Variants in HCN1 observed in about 807,000 individuals in gnomAD.
HCN1 encodes the protein potassium/sodium hyperpolarization-activated cyclic nucleotide-gated channel 1.
HCN1 carries 13 observed loss-of-function variants against 78.9 expected under a neutral mutation model. That is an observed-to-expected ratio of 0.16 (90% CI 0.11 to 0.26). The LOEUF is 0.26. HCN1 is among the 10% of genes least tolerant of loss of function. The pLI is 1.00. For missense variants in HCN1, 810 were observed against 1,154.3 expected (o/e 0.70, Z 4.32); for synonymous variants, 552 against 455.5 (o/e 1.21, Z -2.70).
chr5:45,479,590 A>G (rs566994206), intron 2 of HCN1, among the ~76,000 whole-genome samples: 1 of 152,320 alleles, frequency 6.6e-6, no homozygotes, highest in African/African-American at 2.4e-5. Context: ...GATGAACTGG[A>G]TGCAGAAGAC....
intron 2 of HCN1, among the ~76,000 whole-genome samples, chr5:45,581,714 G>T (rs963426255): frequency 2.0e-5 from 3 of 152,142 alleles, no homozygotes; most frequent in African/African-American, 7.2e-5. Flanking sequence ...GTAAGGAAGG[G>T]ATCCAGTTAC....
chr5:45,424,329 A>T (rs979891589), intron 3 of HCN1, among the ~76,000 whole-genome samples: 3 of 151,742 alleles, frequency 2.0e-5, no homozygotes, highest in Admixed American at 6.6e-5. Flanking sequence ...AACAAAAAAA[A>T]TAAAAACAAC....
intron 3 of HCN1, among the ~76,000 whole-genome samples, chr5:45,448,000 TA>T (rs1740834871): frequency 6.6e-6 from 1 of 151,808 alleles, no homozygotes; most frequent in African/African-American, 2.4e-5. Context: ...TTCACTGCTA[TA>T]TGTTTTTTAT....
chr5:45,611,194 G>A (rs1040478888), intron 2 of HCN1, among the ~76,000 whole-genome samples: 37 of 150,776 alleles, frequency 2.5e-4, no homozygotes, highest in African/African-American at 8.8e-4. Flanking sequence ...GGGACAACAG[G>A]GACGCATCAC....
chr5:45,369,788 T>C lies in HCN1; in HGVS notation c.1231-16542A>G, dbSNP rs146495231. ...ACTTGGTAAAGGAGTGTGAACATTA[T>C]TGACTTAATTGATTATTCCGGATCA... On this transcript the variant is annotated intron_variant, in intron 4 of 7. Transcript: ENST00000303230. 3.3e-3 allele frequency among the ~76,000 whole-genome samples: 500 copies of C among 152,230 alleles called. 2 individuals are homozygous for C. The highest frequency in any genetic ancestry group is 0.011 in the African/African-American group (474 of 41,564).
At chr5:45,398,370 G>C (rs552137051) in intron 3 of HCN1, among the ~76,000 whole-genome samples, 6 of 152,064 alleles carry the variant, frequency 3.9e-5, no homozygotes, top group Non-Finnish European at 7.4e-5. Context: ...TTCATAGTCA[G>C]GAAATTGACA....
At chr5:45,312,915 G>C (rs968553763) in intron 5 of HCN1, among the ~76,000 whole-genome samples, 2 of 152,198 alleles carry the variant, frequency 1.3e-5, no homozygotes, top group Admixed American at 1.3e-4. Context: ...AGGCCTGCCT[G>C]CCTCTGTAGA....
intron 2 of HCN1, among the ~76,000 whole-genome samples, chr5:45,492,377 A>T (rs1194703301): frequency 1.6e-5 from 2 of 125,620 alleles, no homozygotes; most frequent in African/African-American, 5.9e-5. Flanking sequence ...AGAGGATCTT[A>T]GACTTCTTTA....
chr5:45,546,487 C>T (rs1056840896), intron 2 of HCN1, among the ~76,000 whole-genome samples: 24 of 151,874 alleles, frequency 1.6e-4, no homozygotes, highest in African/African-American at 5.8e-4. Context: ...ACTTTCCGGA[C>T]ACAGCTCCTA....
intron 5 of HCN1, among the ~76,000 whole-genome samples, chr5:45,335,582 C>A (rs1018585225): frequency 6.6e-6 from 1 of 152,030 alleles, no homozygotes; most frequent in Non-Finnish European, 1.5e-5. Context: ...CCCTTTGAAT[C>A]ACCCTTTCAG....
rs1025986299 is a variant in HCN1 at position 45,530,933 on chromosome 5, T to C, written c.850-68926A>G. Among the ~76,000 whole-genome samples the C allele has an allele frequency of 2.0e-5, 3 of 152,082 alleles. No individual in the cohort carries two copies. In the East Asian group the frequency reaches 5.8e-4, roughly 29 times the overall value. On this transcript the variant is annotated intron_variant, in intron 2 of 7. Coordinates refer to ENST00000303230, the MANE Select transcript of HCN1 (RefSeq NM_021072.4). The stretch of plus-strand genomic sequence containing the variant: ...ATATAGCTGGGAAAAGAAGCAAGGA[T>C]AGACAAAAAGACTAATGGTGGTGGT...
intron 5 of HCN1, among the ~76,000 whole-genome samples, chr5:45,331,041 C>T (rs1746333644): frequency 6.6e-6 from 1 of 151,074 alleles, no homozygotes; most frequent in Non-Finnish European, 1.5e-5. Flanking sequence ...AGATATATGT[C>T]AAATATTTCT....
At chr5:45,362,380 T>C (rs745819712) in intron 4 of HCN1, among the ~76,000 whole-genome samples, 1 of 152,102 alleles carries the variant, frequency 6.6e-6, no homozygotes, top group Non-Finnish European at 1.5e-5. Context: ...TGACTTTACA[T>C]AGAATTTCAA....
intron 1 of HCN1, among the ~76,000 whole-genome samples, chr5:45,655,495 G>A (rs1320147249): frequency 6.6e-6 from 1 of 152,104 alleles, no homozygotes; most frequent in African/African-American, 2.4e-5. Context: ...AGGAATTTAA[G>A]AAAAGTCTTT....
At chr5:45,501,937 T>C (rs186651706) in intron 2 of HCN1, among the ~76,000 whole-genome samples, 1 of 152,256 alleles carries the variant, frequency 6.6e-6, no homozygotes, top group East Asian at 1.9e-4. Context: ...GGGGTGCATG[T>C]AATTTAGTTT....
chr5:45,358,937 A>G (rs1747059809), intron 4 of HCN1, among the ~76,000 whole-genome samples: 1 of 152,054 alleles, frequency 6.6e-6, no homozygotes, highest in Admixed American at 6.6e-5. Context: ...GTACATCTGC[A>G]CAAGATTGCC....
At chr5:45,356,471 C>A (rs973389045) in intron 4 of HCN1, among the ~76,000 whole-genome samples, 2 of 151,926 alleles carry the variant, frequency 1.3e-5, no homozygotes, top group African/African-American at 4.8e-5. Context: ...TTCAAACCCA[C>A]CAGTCTCACT....
chr5:45,611,244 A>AT (rs1296178821), intron 2 of HCN1, among the ~76,000 whole-genome samples: 1 of 91,104 alleles, frequency 1.1e-5, no homozygotes, highest in African/African-American at 4.0e-5. Flanking sequence ...TAGAGATGAG[A>AT]TTTTTCTTTT....
intron 4 of HCN1, among the ~76,000 whole-genome samples, chr5:45,366,377 A>C (rs948331816): frequency 6.6e-6 from 1 of 151,788 alleles, no homozygotes; most frequent in Non-Finnish European, 1.5e-5. Context: ...GCCCCAACAA[A>C]TTTTTTAAGC....
Sources: allele counts gnomAD v4.1 joint callset (sites outside exome capture counted in the v4.1 genomes callset), GRCh38; gene constraint gnomAD v4.1.1; transcripts MANE v1.5; gene names NCBI Gene and HGNC (gene_info 2026-07-23, HGNC 2026-07-21).